TMEM51: variants seen among roughly 807,000 people sequenced by gnomAD.
TMEM51 encodes the protein transmembrane protein 51.
In TMEM51, 8 loss-of-function variants were observed where a neutral mutation model predicts 13.6. That is an observed-to-expected ratio of 0.59 (90% CI 0.35 to 1.07). TMEM51 has a LOEUF of 1.07. TMEM51 is among the 50% of genes least tolerant of loss of function. The pLI is 0.02. For synonymous variants in TMEM51, 147 were observed against 144.4 expected, an observed-to-expected ratio of 1.02 and a Z score of -0.13; for missense variants, 279 against 330.7, an observed-to-expected ratio of 0.84 and a Z score of 1.21.
At chr1:15,180,540 A>G (rs1251896551) in intron 1 of TMEM51, among the ~76,000 whole-genome samples, 1 of 152,182 alleles carries the variant, frequency 6.6e-6, no homozygotes, top group Non-Finnish European at 1.5e-5. Context: ...TGTGTTATAG[A>G]CACTATGCTG....
chr1:15,165,264 C>G (rs184105670), intron 1 of TMEM51, among the ~76,000 whole-genome samples: 1 of 151,886 alleles, frequency 6.6e-6, no homozygotes, highest in African/African-American at 2.4e-5. Flanking sequence ...TACAGTGAGC[C>G]GTGACTATGC....
chr1:15,180,437 C>A (rs952353229), intron 1 of TMEM51, among the ~76,000 whole-genome samples: 1 of 152,180 alleles, frequency 6.6e-6, no homozygotes, highest in East Asian at 1.9e-4. Flanking sequence ...AGGTATTGGG[C>A]GTCGGGCAGA....
intron 1 of TMEM51, among the ~76,000 whole-genome samples, chr1:15,186,615 G>A (rs982071029): frequency 6.6e-6 from 1 of 152,196 alleles, no homozygotes. Context: ...GAGTGGTGGG[G>A]AAGATTAAAT....
intron 1 of TMEM51, among the ~76,000 whole-genome samples, chr1:15,197,034 G>A (rs566438290): frequency 1.1e-4 from 17 of 152,358 alleles, no homozygotes; most frequent in Admixed American, 2.0e-4. Flanking sequence ...ACTCCCTGCC[G>A]TTTGGTTCTG....
intron 1 of TMEM51, chr1:15,171,112 G>GCCCCATCCCCCCCCCC: frequency 2.5e-6 from 1 of 404,840 alleles, no homozygotes; most frequent in South Asian, 3.1e-5. Flanking sequence ...TCCACCCCCC[G>GCCCCATCCCCCCCCCC]CCACATCCCC....
intron 3 of TMEM51, among the ~76,000 whole-genome samples, chr1:15,217,637 G>A (rs919869263): frequency 2.0e-5 from 3 of 152,174 alleles, no homozygotes; most frequent in East Asian, 3.9e-4. Flanking sequence ...GAGGAGAGGT[G>A]AGGGTATAGA....
At chr1:15,154,144 C>G (rs1642503060) in intron 1 of TMEM51, among the ~76,000 whole-genome samples, 190 bp downstream of exon 1, 2 of 152,042 alleles carry the variant, frequency 1.3e-5, no homozygotes, top group Non-Finnish European at 2.9e-5. Context: ...CCGCGCCCCG[C>G]CGGCGCGGGA....
Position 15,219,498 on chromosome 1 carries a change from A to G in TMEM51, c.517A>G (p.Thr173Ala), listed in dbSNP as rs920291255. 1.4e-5 allele frequency: 22 copies of G among 1,613,818 alleles called. No individual in the cohort carries two copies. In the Admixed American group the frequency reaches 2.2e-4, roughly 16 times the overall value. ...SLTGLDETTPTSTRADVEASP... is the reference protein window; with the variant it reads ...SLTGLDETTPASTRADVEASP... ...GACGGGGCTCGACGAGACCACCCCC[A>G]CATCCACCAGGGCTGACGTGGAGGC... The change falls in exon 4 of 4, where the codon ACA becomes GCA. Residue 173 changes from threonine to alanine, a missense_variant. Coordinates refer to ENST00000376008, the MANE Select transcript of TMEM51 (RefSeq NM_001136218.2).
At chr1:15,215,489 C>T in intron 3 of TMEM51, 58 bp downstream of exon 3, 1 of 1,401,240 alleles carries the variant, frequency 7.1e-7, no homozygotes, top group East Asian at 2.4e-5. Flanking sequence ...CACGCATGCA[C>T]ACACATGTTC....
At chr1:15,189,395 G>A (rs950582849) in intron 1 of TMEM51, among the ~76,000 whole-genome samples, 2 of 151,928 alleles carry the variant, frequency 1.3e-5, no homozygotes, top group African/African-American at 4.8e-5. Context: ...TGTTCAGCCT[G>A]GAAGTTTCTC....
At position 15,194,917 on chromosome 1, in the gene TMEM51, C is replaced by CTTT. The variant is rs34885407; in HGVS notation, c.-266-15552_-266-15550dup. ...AATTCAAGCCCCATATATAATTTTA[C>CTTT]TTTTTTTTTTTTTTTTTTTTTTTGA... On this transcript the variant is annotated intron_variant, in intron 1 of 3. Coordinates refer to ENST00000376008, the MANE Select transcript of TMEM51 (RefSeq NM_001136218.2). 3.3e-3 allele frequency among the ~76,000 whole-genome samples: 304 copies of CTTT among 93,426 alleles called. 4 individuals carry two copies. Among genetic ancestry groups the CTTT allele is most frequent in the African/African-American group, 5.3e-3 (130 of 24,504 alleles). The allele number at this position is 93,426 out of a possible 152,430, so 61.3% of individuals were successfully genotyped here.
At position 15,207,589 on chromosome 1, in the gene TMEM51, C is replaced by G. The variant is rs1345727324; in HGVS notation, c.-266-2901C>G. Among the ~76,000 whole-genome samples, 1 of 152,240 alleles carries G rather than the reference C, an allele frequency of 6.6e-6. No homozygotes were observed. Among genetic ancestry groups the G allele is most frequent in the African/African-American group, 2.4e-5 (1 of 41,460 alleles). The stretch of plus-strand genomic sequence containing the variant: ...GATGTCTGGAGCTGGGTCTACCTCC[C>G]TGGCCCCGACTCCTCCACACCCACT... On this transcript the variant is annotated intron_variant, in intron 1 of 3. Coordinates refer to ENST00000376008, the MANE Select transcript of TMEM51 (RefSeq NM_001136218.2). This position sits in a 1 kb window ranked among gnomAD's most constrained non-coding sequence, Gnocchi z 4.6.
At chr1:15,214,004 GC>G (rs1337839055) in intron 2 of TMEM51, among the ~76,000 whole-genome samples, 2 of 129,422 alleles carry the variant, frequency 1.5e-5, no homozygotes, top group East Asian at 2.3e-4. Context: ...ACAGCACCCA[GC>G]CTTTTTTTTT....
intron 1 of TMEM51, among the ~76,000 whole-genome samples, chr1:15,170,302 C>G (rs1643205465): frequency 6.6e-6 from 1 of 151,484 alleles, no homozygotes; most frequent in Admixed American, 6.6e-5. Context: ...CCCCGGCCCT[C>G]TGCTGCAGGG....
intron 1 of TMEM51, among the ~76,000 whole-genome samples, chr1:15,163,463 C>T (rs1222423170): frequency 6.6e-6 from 1 of 151,928 alleles, no homozygotes; most frequent in Non-Finnish European, 1.5e-5. Flanking sequence ...CCCCACCTAC[C>T]TCGTACCCCT....
chr1:15,208,222 G>A (rs1298940932), intron 1 of TMEM51, among the ~76,000 whole-genome samples: 2 of 152,174 alleles, frequency 1.3e-5, no homozygotes. Flanking sequence ...CTCAGCAGGG[G>A]ACCCAAGTGT....
At chr1:15,200,908 T>A (rs1416325390) in intron 1 of TMEM51, among the ~76,000 whole-genome samples, 2 of 152,000 alleles carry the variant, frequency 1.3e-5, no homozygotes, top group East Asian at 3.9e-4. Flanking sequence ...AGGGAAAGTT[T>A]CTGTCAGCCG....
chr1:15,214,826 C>T lies in TMEM51; in HGVS notation c.-193-69C>T, dbSNP rs74053451. On this transcript the variant is annotated intron_variant, in intron 2 of 3. Transcript: ENST00000376008. ...CTGCCTAACTCCTTCAAGAGCAGAG[C>T]CGCCACATTCACAAAGCGTCTGGAA... 2.4e-3 allele frequency: 1,160 copies of T among 480,174 alleles called. 13 individuals are homozygous for T. Among genetic ancestry groups the T allele is most frequent in the African/African-American group, 0.021 (1,064 of 51,722 alleles). The allele number at this position is 480,174 out of a possible 1,614,324, so 29.7% of individuals were successfully genotyped here. A position where few individuals can be genotyped will look rare whatever the true frequency, so the allele number is the denominator to read the frequency against.
rs146327435 is a variant in TMEM51, at chr1:15,179,207, G to T, written c.-267+25253G>T. Among the ~76,000 whole-genome samples, 27 of 152,250 alleles carry T rather than the reference G, an allele frequency of 1.8e-4. 1 individual carries two copies. The East Asian group carries it at 4.8e-3, about 27-fold the overall frequency. Reference sequence around the variant, plus strand: ...CACTTCTACCTGTGACCCAGCAATTGCACTTCTGGGTATTTATAGAGAGAA... The same window carrying T: ...CACTTCTACCTGTGACCCAGCAATTTCACTTCTGGGTATTTATAGAGAGAA... On this transcript the variant is annotated intron_variant, in intron 1 of 3. Coordinates refer to ENST00000376008, the MANE Select transcript of TMEM51 (RefSeq NM_001136218.2).
Sources: gnomAD v4.1 joint callset for allele counts (sites outside exome capture counted in the v4.1 genomes callset) on GRCh38, gnomAD v4.1.1 for gene constraint, Gnocchi (gnomAD v3.1) non-coding constraint, MANE v1.5 for transcripts, NCBI Gene and HGNC (gene_info 2026-07-23, HGNC 2026-07-21) for gene names.